The following INPP5D variants were observed in gnomAD, a reference collection of about 807,000 sequenced individuals.
INPP5D encodes phosphatidylinositol 3,4,5-trisphosphate 5-phosphatase 1.
INPP5D carries 33 observed loss-of-function variants against 122.9 expected under a neutral mutation model. The observed-to-expected ratio is 0.27, with a 90% CI of 0.20 to 0.36. The LOEUF (loss-of-function observed/expected upper bound fraction) is 0.36, where lower values mean the gene tolerates loss of function less well. Among genes scored for constraint, INPP5D ranks in the 10% least tolerant of loss-of-function variants. INPP5D has a pLI of 1.00. For missense variants in INPP5D, 1,053 were observed against 1,412.7 expected, an observed-to-expected ratio of 0.75 and a Z score of 4.08; for synonymous variants, 584 against 576.2, an observed-to-expected ratio of 1.01 and a Z score of -0.19.
At chr2:233,063,780 G>A (rs1363955548) in intron 1 of INPP5D, among the ~76,000 whole-genome samples, 4 of 152,250 alleles carry the variant, frequency 2.6e-5, no homozygotes, top group East Asian at 3.9e-4. Flanking sequence ...CAACTCTGCC[G>A]TCTTTCAGCC....
chr2:233,165,655 C>T (rs7607736), intron 13 of INPP5D, among the ~76,000 whole-genome samples: 51,205 of 150,302 alleles, frequency 0.34, 10,964 homozygotes, highest in Non-Finnish European at 0.48. Flanking sequence ...AGAGTCCATG[C>T]ATGTGTTTGT....
In INPP5D at chr2:233,198,429, G is replaced by C. The variant is rs1695242911; in HGVS notation, c.2975+53G>C. The stretch of plus-strand genomic sequence containing the variant: ...CCCTCCCTCCTTATGAAAGCGCCCT[G>C]GGCTTTGGGCTTTCACCCTAGAATG... On this transcript the variant is annotated intron_variant, in intron 25 of 26. Transcript: ENST00000445964. 4.5e-6 allele frequency: 7 copies of C among 1,546,616 alleles called. No individual in the cohort carries two copies. The South Asian group carries it at 8.6e-5, about 19-fold the overall frequency.
At chr2:233,127,025 G>C (rs1008943456) in intron 4 of INPP5D, among the ~76,000 whole-genome samples, 1 of 152,098 alleles carries the variant, frequency 6.6e-6, no homozygotes, top group Non-Finnish European at 1.5e-5. Context: ...GGGAAGAGTC[G>C]GGGAGGCCCC....
At chr2:233,075,060 C>T (rs991398949) in intron 1 of INPP5D, among the ~76,000 whole-genome samples, 3 of 152,192 alleles carry the variant, frequency 2.0e-5, no homozygotes, top group Admixed American at 6.5e-5. Context: ...CAGAAATGCT[C>T]TTCTACTGAG....
chr2:233,102,076 A>G (rs1692330006), intron 2 of INPP5D, among the ~76,000 whole-genome samples: 1 of 152,092 alleles, frequency 6.6e-6, no homozygotes, highest in South Asian at 2.1e-4. Flanking sequence ...AGGTCTTGAA[A>G]TCTTCATTCA....
At chr2:233,085,817 C>A (rs540454952) in intron 2 of INPP5D, among the ~76,000 whole-genome samples, 1 of 152,268 alleles carries the variant, frequency 6.6e-6, no homozygotes, top group East Asian at 1.9e-4. Context: ...AGTATCCATG[C>A]CATTTGTCAT....
Position 233,193,949 on chromosome 2 carries a change from G to A in INPP5D, c.2584G>A (p.Glu862Lys). The change falls in exon 23 of 27, where the codon GAG (glutamate) becomes AAG (lysine). Residue 862 changes from glutamate to lysine, a missense_variant. Around this residue, in one of 6 missense-constraint regions of INPP5D, gnomAD observed 258 missense variants for 439.1 expected, o/e 0.59. Coordinates refer to ENST00000445964, the MANE Select transcript of INPP5D (RefSeq NM_001017915.3). ...KLQTSQGKTR[E>K]KLYDFVKTER... Reference sequence around the variant, plus strand: ...GCAGACCTCTCAGGGCAAGACGAGGGAGAAGCTCTATGGTAAGCAGCAAGC... The same window carrying A: ...GCAGACCTCTCAGGGCAAGACGAGGAAGAAGCTCTATGGTAAGCAGCAAGC... The A allele has an allele frequency of 1.9e-6, 3 of 1,607,404 alleles. No homozygotes were observed. The highest frequency in any genetic ancestry group is 2.6e-6 in the Non-Finnish European group (3 of 1,175,272).
At chr2:233,079,791 G>A (rs988080868) in intron 2 of INPP5D, among the ~76,000 whole-genome samples, 7 of 152,160 alleles carry the variant, frequency 4.6e-5, no homozygotes, top group Admixed American at 2.0e-4. Flanking sequence ...AGAACAGACC[G>A]TGTTTTCTGA....
At chr2:233,084,696 A>G (rs919470549) in intron 2 of INPP5D, among the ~76,000 whole-genome samples, 27 of 152,254 alleles carry the variant, frequency 1.8e-4, no homozygotes, top group African/African-American at 6.0e-4. Context: ...TGAAGTAAAG[A>G]TTCCGTCTGA....
intron 5 of INPP5D, among the ~76,000 whole-genome samples, chr2:233,139,042 C>T (rs1693577152): frequency 6.6e-6 from 1 of 152,086 alleles, no homozygotes; most frequent in Non-Finnish European, 1.5e-5. Flanking sequence ...GCGTGAGCCA[C>T]CGTGCCTGGC....
In INPP5D at chr2:233,146,394, G is replaced by C; in HGVS notation, c.862G>C (p.Glu288Gln). 1 of 704,298 alleles carries C rather than the reference G, an allele frequency of 1.4e-6. No individual in the cohort carries two copies. Among genetic ancestry groups the C allele is most frequent in the Admixed American group, 2.0e-5 (1 of 50,020 alleles). The allele number at this position is 704,298 out of a possible 1,614,324, so 43.6% of individuals were successfully genotyped here. ...KVKALLHEGP[E>Q]SPHRPSLIPP... The stretch of plus-strand genomic sequence containing the variant: ...CAAGGCCTTGCTGCACGAGGGTCCT[G>C]AGTCTCCGCACCGGCCCTCCCTTAT... Residue 288 changes from glutamate (E) to glutamine (Q), a missense_variant, in exon 8 of 27, where the codon GAG becomes CAG. Physicochemically the swap from Glu to Gln is conservative, Grantham distance 29. Around this residue, in one of 6 missense-constraint regions of INPP5D, gnomAD observed 196 missense variants for 175.6 expected, o/e 1.12. Coordinates refer to ENST00000445964, the MANE Select transcript of INPP5D (RefSeq NM_001017915.3).
At chr2:233,155,523 G>A (rs1205214704) in intron 9 of INPP5D, among the ~76,000 whole-genome samples, 1 of 152,106 alleles carries the variant, frequency 6.6e-6, no homozygotes, top group Non-Finnish European at 1.5e-5. Flanking sequence ...TCGGGAGGCT[G>A]AGGCAGGAGA....
rs998493894 is a variant in INPP5D at position 233,177,593 on chromosome 2, A to G, written c.2071+247A>G. Among the ~76,000 whole-genome samples, 1 of 152,140 alleles carries G rather than the reference A, an allele frequency of 6.6e-6. No homozygotes were observed. The highest frequency in any genetic ancestry group is 1.5e-5 in the Non-Finnish European group (1 of 68,040). On this transcript the variant is annotated intron_variant, in intron 18 of 26. Transcript: ENST00000445964. The surrounding 1 kb of genome is among the most constrained non-coding windows in gnomAD (Gnocchi z 4.2). ...AGCACTTTTTTTCTTTTTCTTTTTGAGACGGAGTCTCACTCTGTCACCCAG... is the reference window on the plus strand; with the variant it reads ...AGCACTTTTTTTCTTTTTCTTTTTGGGACGGAGTCTCACTCTGTCACCCAG...
chr2:233,090,680 G>A (rs1158308412), intron 2 of INPP5D, among the ~76,000 whole-genome samples: 2 of 152,082 alleles, frequency 1.3e-5, no homozygotes, highest in Non-Finnish European at 2.9e-5. Flanking sequence ...ACTTGGGGTC[G>A]GGCACGGTGG....
At chr2:233,180,168 C>T (rs1694746346) in intron 18 of INPP5D, among the ~76,000 whole-genome samples, 1 of 152,012 alleles carries the variant, frequency 6.6e-6, no homozygotes, top group Non-Finnish European at 1.5e-5. Context: ...TTACTAAGGT[C>T]CCATTGGCCA....
intron 9 of INPP5D, among the ~76,000 whole-genome samples, chr2:233,153,203 C>T (rs1006670048): frequency 2.6e-5 from 4 of 152,170 alleles, no homozygotes; most frequent in African/African-American, 9.7e-5. Flanking sequence ...CTGGGGGCAA[C>T]CGCACAGTCC....
At chr2:233,062,027 G>A (rs1017211368) in intron 1 of INPP5D, among the ~76,000 whole-genome samples, 8 of 152,258 alleles carry the variant, frequency 5.3e-5, no homozygotes, top group African/African-American at 1.9e-4. Flanking sequence ...CTCAGGGGAA[G>A]GAACGCAGGC....
In INPP5D at chr2:233,125,786, A is replaced by G. The variant is rs770352133; in HGVS notation, c.391A>G (p.Ile131Val). ...TCCACCCGAGCTGCCCCCAAGAAAC[A>G]TCCCGCTGACTGCCAGCTCCTGTGA... ...VSPPELPPRN[I>V]PLTASSCEAK... The change falls in exon 4 of 27, where the codon ATC (isoleucine) becomes GTC (valine). Residue 131 changes from isoleucine to valine, a missense_variant. This residue lies in a region of INPP5D where 196 missense variants were observed against 175.6 expected (regional missense o/e 1.12). Transcript: ENST00000445964. 3 of 1,613,812 alleles carry G rather than the reference A, an allele frequency of 1.9e-6. No individual in the cohort carries two copies. The Admixed American group carries it at 5.0e-5, about 27-fold the overall frequency.
chr2:233,163,567 C>G, intron 11 of INPP5D, 140 bp from the exon 12 acceptor site: 1 of 1,461,312 alleles, frequency 6.8e-7, no homozygotes, highest in Non-Finnish European at 9.1e-7. Flanking sequence ...GCCTCCATTG[C>G]AGGCATTTCT....
Sources: allele counts gnomAD v4.1 joint callset (sites outside exome capture counted in the v4.1 genomes callset), GRCh38; gene constraint gnomAD v4.1.1; regional missense constraint gnomAD v4.1.1; non-coding constraint Gnocchi (gnomAD v3.1); transcripts MANE v1.5; gene names NCBI Gene and HGNC (gene_info 2026-07-23, HGNC 2026-07-21).